Variants in GPC5 observed in about 807,000 individuals in gnomAD.
The protein encoded by GPC5 is glypican-5.
Under a neutral mutation model 53.9 loss-of-function variants are expected in GPC5, and 47 were observed. The observed-to-expected ratio is 0.87, with a 90% CI of 0.69 to 1.11. GPC5 has a LOEUF of 1.11. Ranked by LOEUF, GPC5 falls within the 50% of genes most tolerant of loss-of-function variation. GPC5 has a pLI of 0.00. For missense variants in GPC5, 748 were observed against 713.1 expected, an observed-to-expected ratio of 1.05 and a Z score of -0.56; for synonymous variants, 286 against 263.3, an observed-to-expected ratio of 1.09 and a Z score of -0.84.
intron 6 of GPC5, among the ~76,000 whole-genome samples, chr13:92,010,848 A>G (rs1048575423): frequency 6.6e-6 from 1 of 152,214 alleles, no homozygotes; most frequent in Non-Finnish European, 1.5e-5. Context: ...TTGTGATAAA[A>G]TAAATTCCCA....
intron 6 of GPC5, among the ~76,000 whole-genome samples, chr13:91,909,105 A>G (rs1160440791): frequency 6.6e-6 from 1 of 152,188 alleles, no homozygotes; most frequent in Non-Finnish European, 1.5e-5. Flanking sequence ...CTGCGAGGCA[A>G]CAATGCTTAT....
chr13:92,725,418 G>A (rs749696492), intron 7 of GPC5, among the ~76,000 whole-genome samples: 2 of 151,122 alleles, frequency 1.3e-5, no homozygotes, highest in Non-Finnish European at 3.0e-5. Flanking sequence ...CAACATTTAT[G>A]ACTTGAAAAA....
chr13:91,455,337 G>T (rs930960179), intron 2 of GPC5, among the ~76,000 whole-genome samples: 2 of 152,020 alleles, frequency 1.3e-5, no homozygotes, highest in Non-Finnish European at 2.9e-5. Flanking sequence ...TGTGTGCATT[G>T]TCATATTTTC....
chr13:91,894,851 A>C (rs1359061986), intron 5 of GPC5, among the ~76,000 whole-genome samples: 1 of 152,156 alleles, frequency 6.6e-6, no homozygotes, highest in Non-Finnish European at 1.5e-5. Context: ...ATGCAAAAAT[A>C]ACAAGGGTAA....
rs530108439 is a variant in GPC5 at position 91,958,593 on chromosome 13, G to A, written c.1401+50536G>A. ...ATACTCATTCTTCTCATTGGCACATGGAACATTCTCCAGGATAGGTCATAT... is the reference window on the plus strand; with the variant it reads ...ATACTCATTCTTCTCATTGGCACATAGAACATTCTCCAGGATAGGTCATAT... On this transcript the variant is annotated intron_variant, in intron 6 of 7. Coordinates refer to ENST00000377067, the MANE Select transcript of GPC5 (RefSeq NM_004466.6). Among the ~76,000 whole-genome samples, 225 of 152,082 alleles carry A rather than the reference G, an allele frequency of 1.5e-3. 1 individual carries two copies. The Middle Eastern group carries it at 0.051, about 34-fold the overall frequency.
chr13:92,028,936 G>A (rs1250168515), intron 6 of GPC5, among the ~76,000 whole-genome samples: 1 of 152,144 alleles, frequency 6.6e-6, no homozygotes, highest in East Asian at 1.9e-4. Flanking sequence ...TTCATATACA[G>A]TAGAATGTGT....
chr13:91,466,239 TAGG>T (rs1339304977), intron 2 of GPC5, among the ~76,000 whole-genome samples: 3 of 152,108 alleles, frequency 2.0e-5, no homozygotes, highest in Non-Finnish European at 4.4e-5. Flanking sequence ...TGCTTAGGAA[TAGG>T]AGGTGATGTG....
chr13:92,535,468 G>T (rs534536763), intron 7 of GPC5, among the ~76,000 whole-genome samples: 65 of 152,006 alleles, frequency 4.3e-4, no homozygotes, highest in Non-Finnish European at 8.5e-4. Context: ...TATATAGAGG[G>T]AAAGAAAACA....
At chr13:92,242,284 T>C (rs1454839134) in intron 7 of GPC5, among the ~76,000 whole-genome samples, 1 of 151,934 alleles carries the variant, frequency 6.6e-6, no homozygotes, top group East Asian at 1.9e-4. Context: ...CCAAGCCTTC[T>C]TTCCTATTAC....
intron 2 of GPC5, among the ~76,000 whole-genome samples, chr13:91,595,022 ATTTATTTATTTATTTATTTC>A (rs1217489594): frequency 1.4e-5 from 2 of 139,984 alleles, no homozygotes; most frequent in Non-Finnish European, 3.2e-5. Flanking sequence ...TTATTTATTT[ATTTATTTATTTATTTATTTC>A]TAGACGGAGA....
intron 5 of GPC5, among the ~76,000 whole-genome samples, chr13:91,873,179 CT>C (rs1346118728): frequency 2.0e-5 from 3 of 152,116 alleles, no homozygotes; most frequent in Non-Finnish European, 4.4e-5. Flanking sequence ...ATAAACATGT[CT>C]TCCAATCTAA....
At chr13:91,734,713 C>CT (rs34095472) in intron 4 of GPC5, among the ~76,000 whole-genome samples, 97,349 of 150,994 alleles carry the variant, frequency 0.64, 32,360 homozygotes, top group South Asian at 0.75. Flanking sequence ...GACTGAATTC[C>CT]TTTGGTGGTG....
intron 7 of GPC5, among the ~76,000 whole-genome samples, chr13:92,824,631 C>G (rs1877783148): frequency 6.6e-6 from 1 of 151,316 alleles, no homozygotes; most frequent in South Asian, 2.1e-4. Flanking sequence ...TATACACTAC[C>G]ATTTTTCTTA....
intron 7 of GPC5, among the ~76,000 whole-genome samples, chr13:92,492,758 C>T (rs1277628314): frequency 6.6e-6 from 1 of 152,084 alleles, no homozygotes; most frequent in Non-Finnish European, 1.5e-5. Flanking sequence ...TTTGTTGAAT[C>T]TTGAAACAAT....
chr13:91,673,174 G>A (rs987345513), intron 2 of GPC5, among the ~76,000 whole-genome samples: 1 of 151,942 alleles, frequency 6.6e-6, no homozygotes, highest in Non-Finnish European at 1.5e-5. Flanking sequence ...AAACCTGCAG[G>A]TTCTGCACAT....
intron 5 of GPC5, among the ~76,000 whole-genome samples, chr13:91,777,581 G>A (rs761245038): frequency 4.6e-5 from 7 of 152,146 alleles, no homozygotes; most frequent in Non-Finnish European, 7.3e-5. Context: ...TTCCGTGAAG[G>A]CGCTGCAAAG....
chr13:92,527,374 A>C (rs1421941463), intron 7 of GPC5, among the ~76,000 whole-genome samples: 1 of 152,252 alleles, frequency 6.6e-6, no homozygotes, highest in Middle Eastern at 3.4e-3. Flanking sequence ...GCAGCATGAA[A>C]AAATTTTAGA....
At chr13:92,350,410 G>T (rs2043466175) in intron 7 of GPC5, among the ~76,000 whole-genome samples, 1 of 152,102 alleles carries the variant, frequency 6.6e-6, no homozygotes, top group Non-Finnish European at 1.5e-5. Flanking sequence ...AGAAATAAAT[G>T]AATTATGCTA....
intron 7 of GPC5, among the ~76,000 whole-genome samples, chr13:92,283,918 A>T (rs1174211000): frequency 6.6e-6 from 1 of 152,232 alleles, no homozygotes; most frequent in South Asian, 2.1e-4. Flanking sequence ...AGATAGAGAC[A>T]CAAAAAACCC....
Sources: allele counts gnomAD v4.1 joint callset (sites outside exome capture counted in the v4.1 genomes callset), GRCh38; gene constraint gnomAD v4.1.1; transcripts MANE v1.5; gene names NCBI Gene and HGNC (gene_info 2026-07-23, HGNC 2026-07-21).